LCP1: variants seen among roughly 807,000 people sequenced by gnomAD.
LCP1 encodes lymphocyte cytosolic protein 1.
A neutral mutation model predicts 72.0 loss-of-function variants in LCP1; 23 were observed. The ratio of observed to expected loss-of-function variants is 0.32; its 90% confidence interval spans 0.23 to 0.45. LCP1 has a LOEUF of 0.45. Ranked by LOEUF, LCP1 falls within the 20% of genes least tolerant of loss-of-function variation. The pLI, the probability that LCP1 is intolerant of heterozygous loss-of-function variation, is 1.00. For synonymous variants in LCP1, 245 were observed against 275.4 expected (o/e 0.89, Z 1.09); for missense variants, 571 against 748.3 (o/e 0.76, Z 2.76).
intron 13 of LCP1, among the ~76,000 whole-genome samples, chr13:46,141,477 G>T (rs7139813): frequency 1.4e-5 from 2 of 147,466 alleles, no homozygotes; most frequent in Admixed American, 6.7e-5. Flanking sequence ...GTAATAAAGA[G>T]AAATCTTAAA....
intron 4 of LCP1, among the ~76,000 whole-genome samples, chr13:46,157,846 A>G (rs2138260311): frequency 6.8e-6 from 1 of 147,716 alleles, no homozygotes; most frequent in Admixed American, 7.1e-5. Context: ...TCCTGGGCTC[A>G]AGCGATTCTC....
Position 46,134,237 on chromosome 13 carries a change from T to C in LCP1, c.1516A>G (p.Ile506Val). 1.2e-6 allele frequency: 2 copies of C among 1,613,682 alleles called. No individual in the cohort carries two copies. The highest frequency in any genetic ancestry group is 3.3e-4 in the Middle Eastern group (2 of 6,058). ...TGGCCACCACCAATTTCTTCGAGGA[T>C]ATTCAGTGTATACCTGAACAAAATA... ...WQLMRRYTLNILEEIGGGQKV... is the reference protein window; with the variant it reads ...WQLMRRYTLNVLEEIGGGQKV... Residue 506 changes from isoleucine to valine, a missense_variant, in exon 14 of 16, where the codon ATC (isoleucine) becomes GTC (valine). Transcript: ENST00000323076.
Position 46,142,371 on chromosome 13 carries a change from G to A in LCP1, c.1423C>T (p.Leu475=), listed in dbSNP as rs777327392. 6.2e-7 allele frequency: 1 copy of A among 1,613,876 alleles called. No homozygotes were observed. The highest frequency in any genetic ancestry group is 1.3e-5 in the African/African-American group (1 of 74,890). ...AGATCTTGTCCACCGATGCCAACCA[G>A]GGAGAACTTCGCTTGATTCTTCCCC... ...ELGKNQAKFS[L]VGIGGQDLNE... is the part of the protein sequence containing the mutation. Residue 475 remains leucine (L), a synonymous_variant, in exon 13 of 16, where the codon CTG becomes TTG. Transcript: ENST00000323076.
chr13:46,145,457 A>C (rs879661916), intron 10 of LCP1, among the ~76,000 whole-genome samples: 7 of 152,206 alleles, frequency 4.6e-5, no homozygotes, highest in Non-Finnish European at 8.8e-5. Flanking sequence ...CATAAAAGAA[A>C]CATAACAATT....
At chr13:46,134,030 TA>T in intron 14 of LCP1, 96 bp downstream of exon 14, 1 of 1,274,662 alleles carries the variant, frequency 7.8e-7, no homozygotes, top group Non-Finnish European at 1.1e-6. Context: ...GGGGAGCCTC[TA>T]ATACCTACCA....
At chr13:46,133,224 G>T (rs570497961) in intron 14 of LCP1, among the ~76,000 whole-genome samples, 2 of 152,224 alleles carry the variant, frequency 1.3e-5, no homozygotes, top group Non-Finnish European at 1.5e-5. Context: ...CACATTTTAC[G>T]AATACTATCA....
intron 13 of LCP1, among the ~76,000 whole-genome samples, chr13:46,137,065 AG>A (rs1317602808): frequency 3.3e-5 from 5 of 152,350 alleles, no homozygotes; most frequent in African/African-American, 1.2e-4. Flanking sequence ...CAAATTGTGG[AG>A]GCAGCTTATT....
chr13:46,152,724 A>C, intron 7 of LCP1, 56 bp downstream of exon 7: 100 of 1,469,302 alleles, frequency 6.8e-5, no homozygotes, highest in Middle Eastern at 2.4e-4. Flanking sequence ...TACAGTCCCC[A>C]ACGCGTAAGT....
intron 15 of LCP1, 54 bp downstream of exon 15, chr13:46,130,760 A>G: frequency 6.2e-7 from 1 of 1,605,260 alleles, no homozygotes; most frequent in Non-Finnish European, 8.5e-7. Context: ...ACAACCATCC[A>G]GCTGCCAGTT....
chr13:46,142,214 A>G (rs2045702685), intron 13 of LCP1, 78 bp downstream of exon 13: 1 of 1,444,610 alleles, frequency 6.9e-7, no homozygotes, highest in East Asian at 2.3e-5. Flanking sequence ...GAATTAACTC[A>G]TACTGCTAAA....
At chr13:46,131,297 C>T (rs1397236929) in intron 14 of LCP1, among the ~76,000 whole-genome samples, 1 of 152,178 alleles carries the variant, frequency 6.6e-6, no homozygotes, top group Admixed American at 6.5e-5. Flanking sequence ...ACCAAAACCA[C>T]AATGAGATAC....
At chr13:46,142,020 G>A (rs2045701420) in intron 13 of LCP1, among the ~76,000 whole-genome samples, 1 of 151,426 alleles carries the variant, frequency 6.6e-6, no homozygotes, top group African/African-American at 2.4e-5. Flanking sequence ...GCATAAAAAA[G>A]ACTACTTTAT....
chr13:46,177,789 G>A lies in LCP1; in HGVS notation c.-25+4322C>T, dbSNP rs150457843. Among the ~76,000 whole-genome samples, 565 of 152,294 alleles carry A rather than the reference G, an allele frequency of 3.7e-3. 2 individuals carry two copies. The highest frequency in any genetic ancestry group is 0.013 in the African/African-American group (535 of 41,546). On this transcript the variant is annotated intron_variant, in intron 1 of 15. Transcript: ENST00000323076. ...TGTTTTGTGACCCATGCAGAGGCCT[G>A]TAATTGTTAACAACCAACTTCTACT...
intron 13 of LCP1, among the ~76,000 whole-genome samples, chr13:46,138,770 C>T (rs1018670822): frequency 6.6e-6 from 1 of 152,114 alleles, no homozygotes; most frequent in Non-Finnish European, 1.5e-5. Flanking sequence ...CCTCAGCCTC[C>T]TGAGTACCTG....
In LCP1 at chr13:46,136,462, G is replaced by A. The variant is rs118161719; in HGVS notation, c.1503-2212C>T. On this transcript the variant is annotated intron_variant, in intron 13 of 15. Coordinates refer to ENST00000323076, the MANE Select transcript of LCP1 (RefSeq NM_002298.5). ...ATCTAGTAAATGAAGGCACAGAGAG[G>A]CGGGTGAAATAAATAGAGTGACTGT... Among the ~76,000 whole-genome samples the A allele has an allele frequency of 9.2e-3, 1,399 of 152,234 alleles. 17 individuals are homozygous for A. Among genetic ancestry groups the A allele is most frequent in the Middle Eastern group, 0.014 (4 of 294 alleles).
intron 2 of LCP1, 116 bp downstream of exon 2, chr13:46,159,483 C>A: frequency 1.3e-6 from 1 of 791,820 alleles, no homozygotes. Flanking sequence ...TAAACAAATA[C>A]TACTGGTTTC....
At chr13:46,181,536 T>G (rs891352040) in intron 1 of LCP1, among the ~76,000 whole-genome samples, 1 of 152,214 alleles carries the variant, frequency 6.6e-6, no homozygotes, top group Non-Finnish European at 1.5e-5. Flanking sequence ...TCTAATTCCA[T>G]GTGGTTATAA....
At chr13:46,138,103 A>G (rs1354264970) in intron 13 of LCP1, among the ~76,000 whole-genome samples, 1 of 152,150 alleles carries the variant, frequency 6.6e-6, no homozygotes, top group Non-Finnish European at 1.5e-5. Context: ...GCTTGCTTCA[A>G]GGGTTTTATC....
chr13:46,173,556 T>C (rs1049459643), intron 1 of LCP1, among the ~76,000 whole-genome samples: 1 of 148,742 alleles, frequency 6.7e-6, no homozygotes, highest in Non-Finnish European at 1.5e-5. Context: ...GTAGGAAATA[T>C]TGTCAAGTCG....
Sources: gnomAD v4.1 joint callset for allele counts (sites outside exome capture counted in the v4.1 genomes callset) on GRCh38, gnomAD v4.1.1 for gene constraint, MANE v1.5 for transcripts, NCBI Gene and HGNC (gene_info 2026-07-23, HGNC 2026-07-21) for gene names.